Variants in ADGRL2 observed in about 807,000 individuals in gnomAD.
ADGRL2 encodes calcium-independent alpha-latrotoxin receptor 2.
ADGRL2 carries 44 observed loss-of-function variants against 157.4 expected under a neutral mutation model. That is an observed-to-expected ratio of 0.28 (90% CI 0.22 to 0.36). The LOEUF (loss-of-function observed/expected upper bound fraction) is 0.36. Among genes scored for constraint, ADGRL2 ranks in the 10% least tolerant of loss-of-function variants. The pLI is 1.00. For synonymous variants in ADGRL2, 585 were observed against 624.7 expected, an observed-to-expected ratio of 0.94 and a Z score of 0.95; for missense variants, 1,510 against 1,768.9, an observed-to-expected ratio of 0.85 and a Z score of 2.63.
At chr1:81,888,540 G>A (rs1040971089) in intron 2 of ADGRL2, among the ~76,000 whole-genome samples, 1 of 152,122 alleles carries the variant, frequency 6.6e-6, no homozygotes, top group Non-Finnish European at 1.5e-5. Flanking sequence ...CTGGGTTCAC[G>A]CCATTCTCCC....
At chr1:81,443,003 T>C (rs1210004957) in intron 1 of ADGRL2, among the ~76,000 whole-genome samples, 1 of 152,238 alleles carries the variant, frequency 6.6e-6, no homozygotes, top group Non-Finnish European at 1.5e-5. Flanking sequence ...TTTAAACATG[T>C]AACCAAGTGT....
chr1:81,487,081 C>T (rs2078519782), intron 2 of ADGRL2, among the ~76,000 whole-genome samples: 1 of 112,298 alleles, frequency 8.9e-6, no homozygotes, highest in Non-Finnish European at 1.8e-5. Context: ...ATAGGGAGAC[C>T]TCATCTCTAC....
chr1:81,596,440 T>G, intron 3 of ADGRL2: 1 of 455,378 alleles, frequency 2.2e-6, no homozygotes, highest in South Asian at 1.8e-5. Flanking sequence ...CTCGTTAGAG[T>G]GATTCGAATT....
chr1:81,310,749 G>A (rs1659695902), intron 1 of ADGRL2, among the ~76,000 whole-genome samples: 1 of 151,736 alleles, frequency 6.6e-6, no homozygotes, highest in African/African-American at 2.4e-5. Flanking sequence ...TTAAATTTGA[G>A]CTAACCCTGC....
intron 2 of ADGRL2, among the ~76,000 whole-genome samples, chr1:81,780,189 C>G (rs1023893838): frequency 2.6e-5 from 4 of 152,156 alleles, no homozygotes; most frequent in Non-Finnish European, 5.9e-5. Context: ...GACTATATAC[C>G]TGCCTTCCAA....
chr1:81,765,651 C>T (rs182173634), intron 2 of ADGRL2, among the ~76,000 whole-genome samples: 25 of 151,928 alleles, frequency 1.6e-4, no homozygotes, highest in Non-Finnish European at 3.1e-4. Flanking sequence ...AAAATATATC[C>T]TCTCATTTCC....
In ADGRL2 at chr1:81,747,102, CAT is replaced by C. The variant is rs1491199009; in HGVS notation, c.-142-14704_-142-14703del. On this transcript the variant is annotated intron_variant, in intron 1 of 20. Transcript: ENST00000359929. ...TATATGTGTATATACGTAATATATA[CAT>C]ATATGTGTATATATGTGTATATATG... Among the ~76,000 whole-genome samples, 6 of 136,038 alleles carry C rather than the reference CAT, an allele frequency of 4.4e-5. No individual in the cohort carries two copies. In the East Asian group the frequency reaches 6.9e-4, roughly 16 times the overall value. 89.2% of individuals were successfully genotyped at this position (136,038 alleles called of 152,430 possible). A position where few individuals can be genotyped will look rare whatever the true frequency, so the allele number is the denominator to read the frequency against.
chr1:81,421,848 G>A (rs2077131242), intron 1 of ADGRL2, among the ~76,000 whole-genome samples: 1 of 152,086 alleles, frequency 6.6e-6, no homozygotes, highest in African/African-American at 2.4e-5. Flanking sequence ...GGGTTTAATT[G>A]CATAGATTAT....
At chr1:81,934,169 T>C (rs2095275885) in intron 3 of ADGRL2, among the ~76,000 whole-genome samples, 1 of 152,224 alleles carries the variant, frequency 6.6e-6, no homozygotes, top group African/African-American at 2.4e-5. Flanking sequence ...TTTAAATCAA[T>C]AAAAATTATG....
chr1:81,784,838 T>C (rs2086965641), intron 2 of ADGRL2, among the ~76,000 whole-genome samples: 1 of 151,766 alleles, frequency 6.6e-6, no homozygotes, highest in East Asian at 1.9e-4. Context: ...ATAGTAAAAA[T>C]GTTTCATTTT....
chr1:81,442,868 G>A (rs1184171454), intron 1 of ADGRL2, among the ~76,000 whole-genome samples: 1 of 152,148 alleles, frequency 6.6e-6, no homozygotes, highest in Non-Finnish European at 1.5e-5. Context: ...GGATAGCAAA[G>A]GCTATCCCTT....
intron 4 of ADGRL2, among the ~76,000 whole-genome samples, chr1:81,941,414 T>C (rs778272810): frequency 9.2e-5 from 14 of 151,454 alleles, no homozygotes; most frequent in African/African-American, 3.1e-4. Flanking sequence ...TATCTAGGAA[T>C]AGAAAATAAT....
At chr1:81,639,727 C>T (rs2082182792) in intron 3 of ADGRL2, among the ~76,000 whole-genome samples, 1 of 152,078 alleles carries the variant, frequency 6.6e-6, no homozygotes, top group South Asian at 2.1e-4. Flanking sequence ...CAATCCTTAA[C>T]ATATATGCAC....
chr1:81,748,936 GA>G (rs1270311433), intron 1 of ADGRL2, among the ~76,000 whole-genome samples: 1 of 152,056 alleles, frequency 6.6e-6, no homozygotes, highest in Non-Finnish European at 1.5e-5. Context: ...CCAAAGTGCT[GA>G]GCTTATAGGG....
intron 1 of ADGRL2, among the ~76,000 whole-genome samples, chr1:81,802,079 G>A (rs2088267650): frequency 6.7e-6 from 1 of 150,184 alleles, no homozygotes; most frequent in South Asian, 2.1e-4. Context: ...GGGGAGCTGC[G>A]GCGCTGCCTC....
At chr1:81,381,365 T>C (rs913696703) in intron 1 of ADGRL2, among the ~76,000 whole-genome samples, 1 of 152,164 alleles carries the variant, frequency 6.6e-6, no homozygotes, top group Non-Finnish European at 1.5e-5. Flanking sequence ...ATTTTCATCA[T>C]TAAATAATGG....
intron 2 of ADGRL2, among the ~76,000 whole-genome samples, chr1:81,853,703 G>A (rs1426057168): frequency 6.6e-6 from 1 of 152,050 alleles, no homozygotes; most frequent in African/African-American, 2.4e-5. Context: ...GTTTCTTCGA[G>A]CTTTGTGGTC....
intron 1 of ADGRL2, among the ~76,000 whole-genome samples, chr1:81,324,549 T>G (rs1276985917): frequency 6.7e-6 from 1 of 149,102 alleles, no homozygotes; most frequent in African/African-American, 2.4e-5. Flanking sequence ...TTTAAAATTA[T>G]ATATTAAAAA....
intron 1 of ADGRL2, among the ~76,000 whole-genome samples, chr1:81,430,943 G>C (rs1357921039): frequency 6.6e-6 from 1 of 152,168 alleles, no homozygotes; most frequent in South Asian, 2.1e-4. Context: ...GAAGCACTGT[G>C]CTCCCCAAAT....
Sources: gnomAD v4.1 joint callset for allele counts (sites outside exome capture counted in the v4.1 genomes callset) on GRCh38, gnomAD v4.1.1 for gene constraint, MANE v1.5 for transcripts, NCBI Gene and HGNC (gene_info 2026-07-23, HGNC 2026-07-21) for gene names.